The following PREB variants were observed in gnomAD, a reference collection of about 807,000 sequenced individuals.
PREB encodes the protein guanine nucleotide-exchange factor SEC12.
PREB carries 29 observed loss-of-function variants against 46.7 expected under a neutral mutation model. The ratio of observed to expected loss-of-function variants is 0.62; its 90% CI spans 0.46 to 0.85. The LOEUF is 0.85. Among genes scored for constraint, PREB ranks in the 40% least tolerant of loss-of-function variants. PREB has a pLI of 0.00. For missense variants in PREB, 494 were observed against 528.4 expected, an observed-to-expected ratio of 0.93 and a Z score of 0.64; for synonymous variants, 224 against 220.1, an observed-to-expected ratio of 1.02 and a Z score of -0.16.
intron 2 of PREB, 95 bp downstream of exon 2, chr2:27,133,436 CA>C: frequency 6.3e-7 from 1 of 1,593,870 alleles, no homozygotes. Flanking sequence ...AGCTTGCTAC[CA>C]AAACCCTACT....
Position 27,134,593 on chromosome 2 carries a change from GCCTCAGCTCGGC to G in PREB, c.-184_-173del. 7.5e-7 allele frequency: 1 copy of G among 1,341,500 alleles called. No homozygotes were observed. Among genetic ancestry groups the G allele is most frequent in the Non-Finnish European group, 9.5e-7 (1 of 1,052,092 alleles). 83.1% of individuals were successfully genotyped at this position (1,341,500 alleles called of 1,614,324 possible). A position where few individuals can be genotyped will look rare whatever the true frequency, so the allele number is the denominator to read the frequency against. On this transcript the variant is annotated 5_prime_UTR_variant, in exon 1 of 9. Coordinates refer to ENST00000260643, the MANE Select transcript of PREB (RefSeq NM_013388.6). ...ACCCTGACCATCAGCAGGAAGCCGA[GCCTCAGCTCGGC>G]TCCGTCCAAGTCGGTCTCGCAGACG...
chr2:27,130,971 GC>G lies in PREB; in HGVS notation c.*442del. 1 of 590,196 alleles carries G rather than the reference GC, an allele frequency of 1.7e-6. No homozygotes were observed. The highest frequency in any genetic ancestry group is 3.0e-6 in the Non-Finnish European group (1 of 335,314). The allele number at this position is 590,196 out of a possible 1,614,324, so 36.6% of individuals were successfully genotyped here. On this transcript the variant is annotated 3_prime_UTR_variant, in exon 9 of 9. Coordinates refer to ENST00000260643, the MANE Select transcript of PREB (RefSeq NM_013388.6). The stretch of plus-strand genomic sequence containing the variant: ...TTCCTGCCCTAACAGCAAGTACCAG[GC>G]CAGTCCCTTCCCCAGCAAATGCCAG...
chr2:27,132,432 T>A lies in PREB; in HGVS notation c.753-29A>T, dbSNP rs1490063613. The stretch of plus-strand genomic sequence containing the variant: ...GGGGCCGGATGAGGGGCTATTCAGC[T>A]CCTAGGGCCTGCCCAACCCTCCTCA... On this transcript the variant is annotated intron_variant, in intron 5 of 8. Coordinates refer to ENST00000260643, the MANE Select transcript of PREB (RefSeq NM_013388.6). This position sits in a 1 kb window ranked among gnomAD's most constrained non-coding sequence, Gnocchi z 4.0. The A allele has an allele frequency of 6.2e-7, 1 of 1,601,496 alleles. No homozygotes were observed. Among genetic ancestry groups the A allele is most frequent in the African/African-American group, 1.3e-5 (1 of 74,734 alleles).
rs756831660 is a variant in PREB, at chr2:27,132,696, G to A, written c.659C>T (p.Ser220Phe). 8.7e-6 allele frequency: 14 copies of A among 1,613,994 alleles called. No homozygotes were observed. The African/African-American group carries it at 1.6e-4, about 18-fold the overall frequency. Residue 220 changes from serine to phenylalanine, a missense_variant, in exon 5 of 9, where the codon TCT (serine) becomes TTT (phenylalanine). Ser to Phe is a radical substitution (Grantham distance 155, BLOSUM62 -2). Coordinates refer to ENST00000260643, the MANE Select transcript of PREB (RefSeq NM_013388.6). The surrounding 1 kb of genome is among the most constrained non-coding windows in gnomAD (Gnocchi z 4.0). Reference sequence around the variant, plus strand: ...CACCAGCTGATCCTTCTGCCACACAGAGGCCTTAAGGTCCCGGCCCACGGT... The same window carrying A: ...CACCAGCTGATCCTTCTGCCACACAAAGGCCTTAAGGTCCCGGCCCACGGT... ...LVTVGRDLKA[S>F]VWQKDQLVTQ...
At position 27,132,006 on chromosome 2, in the gene PREB, T is replaced by C; in HGVS notation, c.999+4A>G. ...ACAGGGCCATGCCAACCTCCACCCA[T>C]TACCTGGAGAGAGAAAGCTATGTAG... On this transcript the variant is annotated splice_donor_region_variant and intron_variant, in intron 7 of 8. Coordinates refer to ENST00000260643, the MANE Select transcript of PREB (RefSeq NM_013388.6). The surrounding 1 kb of genome is among the most constrained non-coding windows in gnomAD (Gnocchi z 4.0). 6.2e-7 allele frequency: 1 copy of C among 1,613,466 alleles called. No individual in the cohort carries two copies. The highest frequency in any genetic ancestry group is 2.2e-5 in the East Asian group (1 of 44,874).
rs11126874 is a variant in PREB, at chr2:27,131,305, C to A, written c.*109G>T. On this transcript the variant is annotated 3_prime_UTR_variant, in exon 9 of 9. Transcript: ENST00000260643. ...AGGCAGTGCCCATTCATCTTGTCAGCGGCAACCTCAGCTGTGGACCCGAAT... is the reference window on the plus strand; with the variant it reads ...AGGCAGTGCCCATTCATCTTGTCAGAGGCAACCTCAGCTGTGGACCCGAAT... 1 allele frequency: 1,016,275 copies of A among 1,021,082 alleles called. 505,896 individuals carry two copies. The highest frequency in any genetic ancestry group is 1 in the East Asian group (38,508 of 38,508). 63.3% of individuals were successfully genotyped at this position (1,021,082 alleles called of 1,614,324 possible). A position where few individuals can be genotyped will look rare whatever the true frequency, so the allele number is the denominator to read the frequency against.
Position 27,132,096 on chromosome 2 carries a change from TAA to T in PREB, c.927-16_927-15del. On this transcript the variant is annotated splice_polypyrimidine_tract_variant and intron_variant, in intron 6 of 8. Transcript: ENST00000260643. The surrounding 1 kb of genome is among the most constrained non-coding windows in gnomAD (Gnocchi z 4.0). ...GTGCCGGATTCACTGCAACAAACAA[TAA>T]AGAGCTCATTGTCCTGGAGGCTTGT... The T allele has an allele frequency of 6.2e-7, 1 of 1,613,726 alleles. No individual in the cohort carries two copies. Among genetic ancestry groups the T allele is most frequent in the Non-Finnish European group, 8.5e-7 (1 of 1,179,680 alleles).
Position 27,132,641 on chromosome 2 carries a change from G to A in PREB, c.714C>T (p.Pro238=). The A allele has an allele frequency of 6.2e-7, 1 of 1,614,120 alleles. No individual in the cohort carries two copies. The highest frequency in any genetic ancestry group is 8.5e-7 in the Non-Finnish European group (1 of 1,180,018). The change falls in exon 5 of 9, where the codon CCC becomes CCT. Residue 238 remains proline, a synonymous_variant. Transcript: ENST00000260643. The surrounding 1 kb of genome is among the most constrained non-coding windows in gnomAD (Gnocchi z 4.0). ...AGCGGTAAGGTGTGCTGGAAAAGGTGGGTCCATTTTCTTGCCAGTGCAGCT... is the reference window on the plus strand; with the variant it reads ...AGCGGTAAGGTGTGCTGGAAAAGGTAGGTCCATTTTCTTGCCAGTGCAGCT... ...VTQLHWQENG[P]TFSSTPYRYQ...
At position 27,132,699 on chromosome 2, in the gene PREB, G is replaced by A; in HGVS notation, c.656C>T (p.Ala219Val). Residue 219 changes from alanine (A) to valine (V), a missense_variant, in exon 5 of 9, where the codon GCC becomes GTC. Ala to Val is a moderately conservative substitution (Grantham distance 64). Coordinates refer to ENST00000260643, the MANE Select transcript of PREB (RefSeq NM_013388.6). This position sits in a 1 kb window ranked among gnomAD's most constrained non-coding sequence, Gnocchi z 4.0. ...KLVTVGRDLK[A>V]SVWQKDQLVT... is the part of the protein sequence containing the mutation. ...CAGCTGATCCTTCTGCCACACAGAG[G>A]CCTTAAGGTCCCGGCCCACGGTTAC... is the stretch of plus-strand genomic sequence containing the variant. The A allele has an allele frequency of 6.2e-7, 1 of 1,614,110 alleles. No individual in the cohort carries two copies. The highest frequency in any genetic ancestry group is 8.5e-7 in the Non-Finnish European group (1 of 1,180,010).
At chr2:27,133,798 C>T in intron 1 of PREB, 77 bp from the exon 2 acceptor site, 2 of 1,440,150 alleles carry the variant, frequency 1.4e-6, no homozygotes, top group South Asian at 1.3e-5. Context: ...TGATGTCTTA[C>T]CCCTTTGCTT....
chr2:27,130,986 A>G lies in PREB; in HGVS notation c.*428T>C. On this transcript the variant is annotated 3_prime_UTR_variant, in exon 9 of 9. Coordinates refer to ENST00000260643, the MANE Select transcript of PREB (RefSeq NM_013388.6). Reference sequence around the variant, plus strand: ...CAAGTACCAGGCCAGTCCCTTCCCCAGCAAATGCCAGGGGCTTCATGTGAA... The same window carrying G: ...CAAGTACCAGGCCAGTCCCTTCCCCGGCAAATGCCAGGGGCTTCATGTGAA... The G allele has an allele frequency of 1.8e-6, 1 of 569,752 alleles. No individual in the cohort carries two copies. Among genetic ancestry groups the G allele is most frequent in the Non-Finnish European group, 3.1e-6 (1 of 320,356 alleles). The allele number at this position is 569,752 out of a possible 1,614,324, so 35.3% of individuals were successfully genotyped here.
chr2:27,131,441 G>T lies in PREB; in HGVS notation c.1227C>A (p.Leu409=). 1 of 1,563,720 alleles carries T rather than the reference G, an allele frequency of 6.4e-7. No homozygotes were observed. Among genetic ancestry groups the T allele is most frequent in the South Asian group, 1.2e-5 (1 of 85,368 alleles). The change falls in exon 9 of 9, where the codon CTC becomes CTA. Residue 409 remains leucine (L), a synonymous_variant. Transcript: ENST00000260643. ...AAAGGAAACCTGGAAAGGCACTCTG[G>T]AGCAGCAGGATGGTCACAATAATAA... is the stretch of plus-strand genomic sequence containing the variant. The part of the protein sequence containing the change: ...VGLIIVTILL[L]QSAFPGFL
At position 27,134,601 on chromosome 2, in the gene PREB, T is replaced by G; in HGVS notation, c.-180A>C. 2.2e-6 allele frequency: 3 copies of G among 1,337,586 alleles called. No individual in the cohort carries two copies. Among genetic ancestry groups the G allele is most frequent in the Non-Finnish European group, 2.9e-6 (3 of 1,049,856 alleles). The allele number at this position is 1,337,586 out of a possible 1,614,324, so 82.9% of individuals were successfully genotyped here. ...CATCAGCAGGAAGCCGAGCCTCAGC[T>G]CGGCTCCGTCCAAGTCGGTCTCGCA... On this transcript the variant is annotated 5_prime_UTR_variant, in exon 1 of 9. Coordinates refer to ENST00000260643, the MANE Select transcript of PREB (RefSeq NM_013388.6).
chr2:27,130,834 A>T lies in PREB; in HGVS notation c.*580T>A. 1 of 1,439,010 alleles carries T rather than the reference A, an allele frequency of 6.9e-7. No homozygotes were observed. The highest frequency in any genetic ancestry group is 9.6e-7 in the Non-Finnish European group (1 of 1,041,622). 89.1% of individuals were successfully genotyped at this position (1,439,010 alleles called of 1,614,324 possible). A position where few individuals can be genotyped will look rare whatever the true frequency, so the allele number is the denominator to read the frequency against. On this transcript the variant is annotated 3_prime_UTR_variant, in exon 9 of 9. Transcript: ENST00000260643. Reference sequence around the variant, plus strand: ...CTAATGGGCTGAGGTTCATTTTCCCATTCCTCAAGGTAAGGGTAGACTACC... The same window carrying T: ...CTAATGGGCTGAGGTTCATTTTCCCTTTCCTCAAGGTAAGGGTAGACTACC...
In PREB at chr2:27,133,667, A is replaced by C. The variant is rs947080233; in HGVS notation, c.190T>G (p.Ser64Ala). 8 of 1,614,074 alleles carry C rather than the reference A, an allele frequency of 5.0e-6. No homozygotes were observed. In the African/African-American group the frequency reaches 8.0e-5, roughly 16 times the overall value. The change falls in exon 2 of 9, where the codon TCC becomes GCC. Residue 64 changes from serine to alanine, a missense_variant. Ser to Ala is a moderately conservative substitution (Grantham distance 99). Coordinates refer to ENST00000260643, the MANE Select transcript of PREB (RefSeq NM_013388.6). Reference sequence around the variant, plus strand: ...GTGGCCCGTGTCTCTGTGTCATGGGAGTGCAGCAAGGAGGCACTCAAGCGC... The same window carrying C: ...GTGGCCCGTGTCTCTGTGTCATGGGCGTGCAGCAAGGAGGCACTCAAGCGC... ...NGRLSASLLHSHDTETRATMN... is the reference protein window; with the variant it reads ...NGRLSASLLHAHDTETRATMN...
intron 8 of PREB, 56 bp from the exon 9 acceptor site, chr2:27,131,564 C>A: frequency 6.3e-7 from 1 of 1,599,022 alleles, no homozygotes. Flanking sequence ...AGCCTGAAAA[C>A]CAGAACCCTT....
intron 1 of PREB, 49 bp downstream of exon 1, chr2:27,134,238 C>T: frequency 2.0e-6 from 3 of 1,500,174 alleles, no homozygotes; most frequent in Non-Finnish European, 2.7e-6. Flanking sequence ...ACCCTGGAAT[C>T]GCCGCCAGCC....
Position 27,132,544 on chromosome 2 carries a change from C to A in PREB, c.752+59G>T. ...CAGCTCTCCCATCCCCAGTCTTTTC[C>A]CTCTCCCCCACCACAGCTGGGCTAT... On this transcript the variant is annotated intron_variant, in intron 5 of 8. Transcript: ENST00000260643. This position sits in a 1 kb window ranked among gnomAD's most constrained non-coding sequence, Gnocchi z 4.0. 6.2e-7 allele frequency: 1 copy of A among 1,608,710 alleles called. No homozygotes were observed. The highest frequency in any genetic ancestry group is 1.3e-5 in the African/African-American group (1 of 74,882).
Position 27,132,476 on chromosome 2 carries a change from G to C in PREB, c.753-73C>G, listed in dbSNP as rs1319881320. 7 of 1,588,634 alleles carry C rather than the reference G, an allele frequency of 4.4e-6. No homozygotes were observed. The highest frequency in any genetic ancestry group is 6.0e-6 in the Non-Finnish European group (7 of 1,165,578). On this transcript the variant is annotated intron_variant, in intron 5 of 8. Transcript: ENST00000260643. This position sits in a 1 kb window ranked among gnomAD's most constrained non-coding sequence, Gnocchi z 4.0. ...CTCCTCAGAGGTTTGTGCACCACCT[G>C]CACCCTGGTCAGACCTGGGGTAACA...
Sources: gnomAD v4.1 joint callset for allele counts on GRCh38, gnomAD v4.1.1 for gene constraint, Gnocchi (gnomAD v3.1) non-coding constraint, MANE v1.5 for transcripts, NCBI Gene and HGNC (gene_info 2026-07-23, HGNC 2026-07-21) for gene names.